Variants in ZNF676 observed in about 807,000 individuals in gnomAD.
ZNF676 encodes the protein zinc finger protein 676.
ZNF676 carries 4 observed loss-of-function variants against 6.0 expected under a neutral mutation model. That is an observed-to-expected ratio of 0.67 (90% CI 0.33 to 1.53). The LOEUF is 1.53. Among genes scored for constraint, ZNF676 ranks in the 40% most tolerant of loss-of-function variants. The probability of loss-of-function intolerance (pLI) is 0.06; values close to 1 mark genes in which losing one functional copy is unlikely to be tolerated. For synonymous variants in ZNF676, 198 were observed against 223.1 expected, an observed-to-expected ratio of 0.89 and a Z score of 1.00; for missense variants, 644 against 679.7, an observed-to-expected ratio of 0.95 and a Z score of 0.58.
rs190845332 is a variant in ZNF676 at position 22,212,790 on chromosome 19, T to A, written c.3+2842A>T. 2.7e-5 allele frequency among the ~76,000 whole-genome samples: 4 copies of A among 150,330 alleles called. No individual in the cohort carries two copies. The Admixed American group carries it at 2.7e-4, about 10-fold the overall frequency. On this transcript the variant is annotated intron_variant, in intron 1 of 3. Transcript: ENST00000650058. ...GGTGGGTGGATCACGAGGTCAAGAG[T>A]TCGAGACCAGCCTGGGCAATATGGT...
At chr19:22,215,541 G>T in intron 1 of ZNF676, 2 of 1,453,774 alleles carry the variant, frequency 1.4e-6, no homozygotes, top group Non-Finnish European at 9.6e-7. Flanking sequence ...GGAGCTGACT[G>T]CGGGTAGGCT....
At chr19:22,183,017 A>G (rs2023782338) in intron 2 of ZNF676, among the ~76,000 whole-genome samples, 1 of 151,786 alleles carries the variant, frequency 6.6e-6, no homozygotes, top group African/African-American at 2.4e-5. Flanking sequence ...AGCAGACATA[A>G]TAAGGAGGAC....
At chr19:22,258,535 G>T in the ZNF676 span, among the ~76,000 whole-genome samples, 1 of 152,166 alleles carries the variant, frequency 6.6e-6, no homozygotes, top group Admixed American at 6.5e-5. Context: ...CAGGAACTAG[G>T]CAGGAAAGGA....
chr19:22,225,888 T>A, the ZNF676 span, among the ~76,000 whole-genome samples: 1 of 152,156 alleles, frequency 6.6e-6, no homozygotes, highest in Non-Finnish European at 1.5e-5. Flanking sequence ...ATTTCCTAAG[T>A]GGCATTGTCA....
chr19:22,246,975 TG>T, the ZNF676 span, among the ~76,000 whole-genome samples: 1 of 152,262 alleles, frequency 6.6e-6, no homozygotes, highest in Non-Finnish European at 1.5e-5. Flanking sequence ...TTTTACTGCA[TG>T]GGATCACCCT....
chr19:22,240,994 T>C, the ZNF676 span, among the ~76,000 whole-genome samples: 7,824 of 151,872 alleles, frequency 0.052, 810 homozygotes, highest in African/African-American at 0.18. Context: ...TATGTCAAAA[T>C]AGCCAATGTG....
At chr19:22,234,962 G>GAGAA in the ZNF676 span, among the ~76,000 whole-genome samples, 3,351 of 101,230 alleles carry the variant, frequency 0.033, 120 homozygotes, top group East Asian at 0.055. Context: ...AAGAAAGCAA[G>GAGAA]AGAAAGAAAG....
At chr19:22,236,539 GGAAA>G in the ZNF676 span, among the ~76,000 whole-genome samples, 1 of 152,236 alleles carries the variant, frequency 6.6e-6, no homozygotes, top group East Asian at 1.9e-4. Flanking sequence ...ATCTCCTTGG[GGAAA>G]GATGGGAGAA....
chr19:22,215,711 G>A (rs2024177229), exon 1 of ZNF676: 2 of 1,566,142 alleles, frequency 1.3e-6, no homozygotes, highest in African/African-American at 1.4e-5. Flanking sequence ...CACAGAGGCT[G>A]GGACTCTAGG....
intron 1 of ZNF676, among the ~76,000 whole-genome samples, chr19:22,207,549 C>A (rs187833220): frequency 2.6e-5 from 4 of 152,242 alleles, no homozygotes; most frequent in Admixed American, 1.3e-4. Flanking sequence ...AATGCTAATT[C>A]AATCAAACCA....
At position 22,179,798 on chromosome 19, in the gene ZNF676, C is replaced by T; in HGVS notation, c.*152G>A. The T allele has an allele frequency of 4.3e-6, 4 of 936,842 alleles. No individual in the cohort carries two copies. The highest frequency in any genetic ancestry group is 6.8e-6 in the Non-Finnish European group (4 of 588,026). 58.0% of individuals were successfully genotyped at this position (936,842 alleles called of 1,614,324 possible). ...TCTTCACGTTTGTAGTGTTTCTCTC[C>T]AGCATGAATTTTCTTATGTGTAATA... On this transcript the variant is annotated 3_prime_UTR_variant, in exon 3 of 3. Transcript: ENST00000397121.
At chr19:22,230,967 A>AG in the ZNF676 span, among the ~76,000 whole-genome samples, 1 of 151,976 alleles carries the variant, frequency 6.6e-6, no homozygotes, top group Non-Finnish European at 1.5e-5. Flanking sequence ...CAAAAAAAAA[A>AG]GGGGGGATTA....
At chr19:22,199,488 G>A (rs1425086828), upstream of ZNF676, among the ~76,000 whole-genome samples, 1 of 152,188 alleles carries the variant, frequency 6.6e-6, no homozygotes, top group Non-Finnish European at 1.5e-5. Flanking sequence ...TCAATAGGAT[G>A]TTAGAGTACT....
chr19:22,247,714 G>A, the ZNF676 span, among the ~76,000 whole-genome samples: 47,944 of 152,006 alleles, frequency 0.32, 7,803 homozygotes, highest in South Asian at 0.41. Flanking sequence ...GAACCTGGGA[G>A]GCAGAGGTTG....
At chr19:22,182,154 C>A (rs1296219142) in intron 2 of ZNF676, among the ~76,000 whole-genome samples, 1 of 152,028 alleles carries the variant, frequency 6.6e-6, no homozygotes, top group Non-Finnish European at 1.5e-5. Flanking sequence ...CAAGTGATTA[C>A]TTTTCAGAAG....
At chr19:22,215,805 C>CA (rs573500330), upstream of ZNF676, 40 of 686,510 alleles carry the variant, frequency 5.8e-5, no homozygotes, top group Admixed American at 6.2e-4. Context: ...TGTCCCCCCC[C>CA]CCAGCTGCCT....
At chr19:22,233,637 G>A in the ZNF676 span, among the ~76,000 whole-genome samples, 441 of 152,364 alleles carry the variant, frequency 2.9e-3, 2 homozygotes, top group African/African-American at 0.01. Flanking sequence ...CTGTGGTACT[G>A]CAGTCTCTCT....
Position 22,213,302 on chromosome 19 carries a change from TTCACTATTTTTCTG to T in ZNF676, c.3+2316_3+2329del, listed in dbSNP as rs370397925. Among the ~76,000 whole-genome samples the T allele has an allele frequency of 5.3e-3, 804 of 152,322 alleles. 6 individuals are homozygous for T. The highest frequency in any genetic ancestry group is 0.018 in the African/African-American group (752 of 41,562). ...TCCACAAACTTTTTACCATTTTTCT[TTCACTATTTTTCTG>T]TCCCCTAGGAGAATCCAGAGGCAAA... On this transcript the variant is annotated intron_variant, in intron 1 of 3. Transcript: ENST00000650058.
chr19:22,247,987 AC>A, the ZNF676 span, among the ~76,000 whole-genome samples: 1 of 151,076 alleles, frequency 6.6e-6, no homozygotes. Flanking sequence ...ATGAGTGAGA[AC>A]ATGCGGTGCT....
Sources: gnomAD v4.1 joint callset for allele counts (sites outside exome capture counted in the v4.1 genomes callset) on GRCh38, gnomAD v4.1.1 for gene constraint, MANE v1.5 for transcripts, NCBI Gene and HGNC (gene_info 2026-07-23, HGNC 2026-07-21) for gene names.